Variants in FHIT observed in about 807,000 individuals in gnomAD.
The protein encoded by FHIT is fragile histidine triad diadenosine triphosphatase, also known as bis(5'-adenosyl)-triphosphatase.
FHIT carries 19 observed loss-of-function variants against 17.9 expected under a neutral mutation model. The ratio of observed to expected loss-of-function variants is 1.06; its 90% CI spans 0.74 to 1.56. The LOEUF (loss-of-function observed/expected upper bound fraction) is 1.56, where lower values mean the gene tolerates loss of function less well. FHIT is among the 40% of genes most tolerant of loss of function. FHIT has a pLI of 0.00. For synonymous variants in FHIT, 81 were observed against 69.7 expected (o/e 1.16, Z -0.81); for missense variants, 248 against 189.2 (o/e 1.31, Z -1.82).
chr3:59,785,204 G>A (rs139490695), intron 8 of FHIT, among the ~76,000 whole-genome samples: 2 of 152,062 alleles, frequency 1.3e-5, no homozygotes, highest in East Asian at 1.9e-4. Flanking sequence ...ATTACAATTC[G>A]ACATGAGATT....
At chr3:60,491,341 A>G (rs1052114038) in intron 5 of FHIT, among the ~76,000 whole-genome samples, 1 of 152,146 alleles carries the variant, frequency 6.6e-6, no homozygotes, top group Admixed American at 6.5e-5. Flanking sequence ...CAGGGTTATA[A>G]TAGAAATGCT....
chr3:60,846,505 C>G (rs1226723214), intron 3 of FHIT, among the ~76,000 whole-genome samples: 1 of 152,208 alleles, frequency 6.6e-6, no homozygotes, highest in African/African-American at 2.4e-5. Context: ...TTGAAGATCA[C>G]TTTAATCACC....
At chr3:60,380,724 C>T (rs2687167) in intron 5 of FHIT, among the ~76,000 whole-genome samples, 4,175 of 152,172 alleles carry the variant, frequency 0.027, 194 homozygotes, top group African/African-American at 0.093. Context: ...AGCCAAATAT[C>T]GATTATTATC....
intron 5 of FHIT, among the ~76,000 whole-genome samples, chr3:60,142,561 C>T (rs1014143294): frequency 1.3e-5 from 2 of 152,110 alleles, no homozygotes; most frequent in South Asian, 2.1e-4. Context: ...TGCAGCAGCA[C>T]GATCATGGCT....
At chr3:60,780,546 G>T (rs1263638619) in intron 4 of FHIT, among the ~76,000 whole-genome samples, 1 of 152,110 alleles carries the variant, frequency 6.6e-6, no homozygotes, top group African/African-American at 2.4e-5. Context: ...AACCTGGTTT[G>T]TCTGTTCTTG....
chr3:60,003,384 T>A (rs2107505290), intron 7 of FHIT, among the ~76,000 whole-genome samples: 1 of 152,298 alleles, frequency 6.6e-6, no homozygotes, highest in African/African-American at 2.4e-5. Flanking sequence ...AGCATTTGGA[T>A]CTGTTTCAGC....
intron 5 of FHIT, among the ~76,000 whole-genome samples, chr3:60,515,603 A>T (rs2035123605): frequency 6.7e-6 from 1 of 150,320 alleles, no homozygotes; most frequent in Admixed American, 6.6e-5. Flanking sequence ...TGTTCACGGA[A>T]ATAAGAGAAA....
chr3:60,287,878 T>C (rs553172441), intron 5 of FHIT, among the ~76,000 whole-genome samples: 1 of 152,232 alleles, frequency 6.6e-6, no homozygotes, highest in African/African-American at 2.4e-5. Context: ...GAAAGATACA[T>C]AACCCCTCTG....
intron 3 of FHIT, among the ~76,000 whole-genome samples, chr3:60,926,973 T>G (rs925548259): frequency 6.6e-6 from 1 of 152,116 alleles, no homozygotes; most frequent in Non-Finnish European, 1.5e-5. Flanking sequence ...CCCTCTCCCT[T>G]TCATCTCCGT....
chr3:60,039,448 C>G (rs1283245561), intron 5 of FHIT, among the ~76,000 whole-genome samples: 1 of 152,080 alleles, frequency 6.6e-6, no homozygotes, highest in Non-Finnish European at 1.5e-5. Flanking sequence ...TTCAACAAAG[C>G]TAGGTGATGG....
chr3:59,971,020 C>T (rs1348899659), intron 7 of FHIT, among the ~76,000 whole-genome samples: 1 of 151,952 alleles, frequency 6.6e-6, no homozygotes, highest in Non-Finnish European at 1.5e-5. Flanking sequence ...CAGCTGCACA[C>T]AATTATGGGG....
chr3:60,017,912 C>G (rs868570364), intron 5 of FHIT, among the ~76,000 whole-genome samples: 3 of 152,206 alleles, frequency 2.0e-5, no homozygotes, highest in Non-Finnish European at 4.4e-5. Context: ...CCTACACATG[C>G]TGTTTTGCTC....
chr3:61,191,912 G>C (rs563692266), intron 2 of FHIT, among the ~76,000 whole-genome samples: 1 of 152,120 alleles, frequency 6.6e-6, no homozygotes, highest in Admixed American at 6.5e-5. Flanking sequence ...GCCCCATTCC[G>C]CGTGCCAGTG....
intron 4 of FHIT, among the ~76,000 whole-genome samples, chr3:60,711,510 G>A (rs1204491695): frequency 1.3e-5 from 2 of 152,152 alleles, no homozygotes; most frequent in African/African-American, 4.8e-5. Flanking sequence ...CAAAGGCAAA[G>A]AAGTTGAAAA....
chr3:60,021,370 C>G (rs1241860882), intron 5 of FHIT, among the ~76,000 whole-genome samples: 1 of 152,158 alleles, frequency 6.6e-6, no homozygotes, highest in African/African-American at 2.4e-5. Flanking sequence ...AGTTGCCTTT[C>G]AAAGAAAGTA....
chr3:60,589,450 T>C (rs72887635), intron 4 of FHIT, among the ~76,000 whole-genome samples: 1,916 of 152,182 alleles, frequency 0.013, 45 homozygotes, highest in African/African-American at 0.043. Flanking sequence ...TTCTCCACAG[T>C]ACATACACAT....
chr3:60,824,254 G>C (rs1337240455), intron 3 of FHIT, among the ~76,000 whole-genome samples: 1 of 152,176 alleles, frequency 6.6e-6, no homozygotes, highest in African/African-American at 2.4e-5. Context: ...AGTGAAAACT[G>C]GTCAGTCCTA....
intron 3 of FHIT, among the ~76,000 whole-genome samples, chr3:60,914,091 A>G (rs1034791984): frequency 1.3e-5 from 2 of 152,210 alleles, no homozygotes; most frequent in Non-Finnish European, 1.5e-5. Context: ...CAGTTTTTGC[A>G]GACAAGCTAC....
In FHIT at chr3:60,441,754, A is replaced by ATT. The variant is rs1401129617; in HGVS notation, c.103+95105_103+95106insAA. On this transcript the variant is annotated intron_variant, in intron 5 of 9. Transcript: ENST00000492590. ...TTTATATATATATATTTATATATAT[A>ATT]AAAATATATATATATTTATATGTAT... is the stretch of plus-strand genomic sequence containing the variant. 4.7e-3 allele frequency among the ~76,000 whole-genome samples: 218 copies of ATT among 46,378 alleles called. 11 individuals are homozygous for ATT. Among genetic ancestry groups the ATT allele is most frequent in the Middle Eastern group, 0.023 (2 of 86 alleles). 30.4% of individuals were successfully genotyped at this position (46,378 alleles called of 152,430 possible).
Sources: allele counts gnomAD v4.1 joint callset (sites outside exome capture counted in the v4.1 genomes callset), GRCh38; gene constraint gnomAD v4.1.1; transcripts MANE v1.5; gene names NCBI Gene and HGNC (gene_info 2026-07-23, HGNC 2026-07-21).